ANO3: variants seen among roughly 807,000 people sequenced by gnomAD.
ANO3 encodes the protein anoctamin-3.
ANO3 carries 99 observed loss-of-function variants against 144.8 expected under a neutral mutation model. The observed-to-expected ratio is 0.68, with a 90% CI of 0.58 to 0.81. The LOEUF (loss-of-function observed/expected upper bound fraction) is 0.81. Among genes scored for constraint, ANO3 ranks in the 30% least tolerant of loss-of-function variants. The pLI is 0.00. For missense variants in ANO3, 905 were observed against 1,202.2 expected, an observed-to-expected ratio of 0.75 and a Z score of 3.66; for synonymous variants, 414 against 392.6, an observed-to-expected ratio of 1.05 and a Z score of -0.64.
At chr11:26,539,408 A>T (rs1482240847) in intron 10 of ANO3, among the ~76,000 whole-genome samples, 1 of 152,094 alleles carries the variant, frequency 6.6e-6, no homozygotes, top group Middle Eastern at 3.2e-3. Context: ...GATGTAGCTG[A>T]TTGAGATTAT....
intron 1 of ANO3, among the ~76,000 whole-genome samples, chr11:26,406,015 G>C (rs1232348823): frequency 6.6e-6 from 1 of 151,824 alleles, no homozygotes; most frequent in African/African-American, 2.4e-5. Flanking sequence ...GGATCAAACT[G>C]AGAATGCTTT....
Position 26,443,850 on chromosome 11 carries a change from C to T in ANO3, c.313+14C>T. The T allele has an allele frequency of 1.3e-6, 2 of 1,564,042 alleles. No individual in the cohort carries two copies. Among genetic ancestry groups the T allele is most frequent in the South Asian group, 2.3e-5 (2 of 88,676 alleles). On this transcript the variant is annotated intron_variant, in intron 3 of 26. Coordinates refer to ENST00000256737, the MANE Select transcript of ANO3 (RefSeq NM_031418.4). Reference sequence around the variant, plus strand: ...ATTTTTGTTTGGGTAAGTTGATAATCAGTATTTACCTACTCCTTTCCCTCT... The same window carrying T: ...ATTTTTGTTTGGGTAAGTTGATAATTAGTATTTACCTACTCCTTTCCCTCT...
intron 14 of ANO3, among the ~76,000 whole-genome samples, chr11:26,570,195 A>G (rs1850764387): frequency 1.3e-5 from 2 of 152,118 alleles, no homozygotes; most frequent in Admixed American, 1.3e-4. Context: ...CTGTTTTAGA[A>G]CAACTCCTCT....
intron 22 of ANO3, 56 bp from the exon 23 acceptor site, chr11:26,643,126 C>T (rs1345432461): frequency 2.5e-5 from 39 of 1,559,104 alleles, no homozygotes; most frequent in Admixed American, 5.3e-5. Flanking sequence ...TATAAAGCAC[C>T]AAATTTGTCA....
At chr11:26,426,826 A>G (rs749176927) in intron 1 of ANO3, among the ~76,000 whole-genome samples, 3 of 152,218 alleles carry the variant, frequency 2.0e-5, no homozygotes, top group Non-Finnish European at 4.4e-5. Context: ...TGAAGATTCC[A>G]TGAACTGTTA....
At chr11:26,305,346 A>G (rs1049215327), upstream of ANO3, among the ~76,000 whole-genome samples, 4 of 152,102 alleles carry the variant, frequency 2.6e-5, no homozygotes, top group African/African-American at 4.8e-5. Context: ...AACTTCTGAC[A>G]TTGGCTGGCC....
At chr11:26,366,994 C>T (rs923491474) in intron 1 of ANO3, among the ~76,000 whole-genome samples, 3 of 152,042 alleles carry the variant, frequency 2.0e-5, no homozygotes, top group African/African-American at 7.2e-5. Flanking sequence ...CTGACAAAAA[C>T]AAGAAATGGG....
chr11:26,337,095 C>T (rs919250054), intron 1 of ANO3, among the ~76,000 whole-genome samples: 2 of 152,090 alleles, frequency 1.3e-5, no homozygotes, highest in Non-Finnish European at 2.9e-5. Flanking sequence ...CTCTAGTTCT[C>T]CATTAACAAT....
rs577803136 is a variant in ANO3, at chr11:26,226,726, T to C, written c.154+37396T>C. 7.5e-4 allele frequency among the ~76,000 whole-genome samples: 114 copies of C among 152,316 alleles called. No individual in the cohort carries two copies. In the South Asian group the frequency reaches 0.014, roughly 19 times the overall value. On this transcript the variant is annotated intron_variant, in intron 1 of 27. Coordinates refer to the ANO3 transcript ENST00000672621. ...AGATATTTGATTTTGGTCTAATTTT[T>C]TGAGAACTCATTTATTCATTATTTC...
At chr11:26,446,312 GC>G (rs780785597) in intron 3 of ANO3, among the ~76,000 whole-genome samples, 20 of 152,156 alleles carry the variant, frequency 1.3e-4, no homozygotes, top group Non-Finnish European at 2.4e-4. Flanking sequence ...CTCTAAGTTT[GC>G]CTTTAGCGTG....
At chr11:26,253,102 C>A (rs1393276163) in intron 1 of ANO3, among the ~76,000 whole-genome samples, 4 of 152,164 alleles carry the variant, frequency 2.6e-5, no homozygotes, top group Non-Finnish European at 4.4e-5. Flanking sequence ...AGAAGGCAAG[C>A]CCTTTCATAC....
intron 8 of ANO3, among the ~76,000 whole-genome samples, chr11:26,532,542 T>A (rs1175503681): frequency 1.3e-5 from 2 of 152,212 alleles, no homozygotes; most frequent in East Asian, 3.9e-4. Context: ...ATTTACTATG[T>A]GGGCATAGAT....
chr11:26,647,685 C>T, intron 23 of ANO3, 24 bp from the exon 24 acceptor site: 4 of 1,571,672 alleles, frequency 2.5e-6, no homozygotes, highest in Non-Finnish European at 3.5e-6. Flanking sequence ...TTTTGTTCAC[C>T]ATGATTAATC....
chr11:26,195,133 T>C (rs902750497), intron 1 of ANO3, among the ~76,000 whole-genome samples: 1 of 152,138 alleles, frequency 6.6e-6, no homozygotes, highest in Non-Finnish European at 1.5e-5. Context: ...AACAGAAAGG[T>C]GGTGGCTGCA....
At chr11:26,464,533 T>G (rs1859529284) in intron 4 of ANO3, among the ~76,000 whole-genome samples, 1 of 151,874 alleles carries the variant, frequency 6.6e-6, no homozygotes, top group Admixed American at 6.6e-5. Flanking sequence ...AATTACCACA[T>G]GCCATCAATG....
At chr11:26,200,831 A>G (rs1395274189) in intron 1 of ANO3, among the ~76,000 whole-genome samples, 1 of 152,180 alleles carries the variant, frequency 6.6e-6, no homozygotes, top group African/African-American at 2.4e-5. Context: ...TTACTTGTAT[A>G]TAACAGAAAT....
At chr11:26,240,220 G>C (rs1307563768) in intron 1 of ANO3, among the ~76,000 whole-genome samples, 1 of 152,036 alleles carries the variant, frequency 6.6e-6, no homozygotes, top group Admixed American at 6.6e-5. Context: ...AGACAATAAA[G>C]GTTATTATTA....
At chr11:26,549,684 A>G (rs1174907920) in intron 12 of ANO3, among the ~76,000 whole-genome samples, 1 of 151,916 alleles carries the variant, frequency 6.6e-6, no homozygotes, top group Non-Finnish European at 1.5e-5. Flanking sequence ...ACATGTATAC[A>G]CTGGTCTTAC....
At chr11:26,357,187 T>C (rs1210166995) in intron 1 of ANO3, among the ~76,000 whole-genome samples, 2 of 152,230 alleles carry the variant, frequency 1.3e-5, no homozygotes, top group Non-Finnish European at 2.9e-5. Context: ...CTGTGAACAT[T>C]GAGTACAAAT....
Sources: allele counts gnomAD v4.1 joint callset (sites outside exome capture counted in the v4.1 genomes callset), GRCh38; gene constraint gnomAD v4.1.1; transcripts MANE v1.5; gene names NCBI Gene and HGNC (gene_info 2026-07-23, HGNC 2026-07-21).